ZMAT1: variants seen among roughly 807,000 people sequenced by gnomAD.
The protein encoded by ZMAT1 is zinc finger matrin-type protein 1.
In ZMAT1, 11 loss-of-function variants were observed where a neutral mutation model predicts 18.5. That is an observed-to-expected ratio of 0.59 (90% CI 0.37 to 0.98). ZMAT1 has a LOEUF of 0.98. ZMAT1 is among the 50% of genes least tolerant of loss of function. The pLI is 0.01. For synonymous variants in ZMAT1, 211 were observed against 176.4 expected (o/e 1.20, Z -1.55); for missense variants, 525 against 496.2 (o/e 1.06, Z -0.55).
intron 1 of ZMAT1, 58 bp downstream of exon 1, chrX:101,931,659 C>G (rs976649420): frequency 2.7e-6 from 2 of 749,662 alleles, no homozygotes; most frequent in East Asian, 3.1e-4. Context: ...CTCGGACGGG[C>G]TGAAGAGAGG....
chrX:101,902,352 AG>A (rs1366534673), intron 2 of ZMAT1, among the ~76,000 whole-genome samples: 1 of 111,831 alleles, frequency 8.9e-6, no homozygotes, highest in Admixed American at 9.5e-5. Context: ...TTAGTTATAT[AG>A]GTTATAGATA....
chrX:101,925,046 AAAAT>A (rs1327413901), intron 1 of ZMAT1, among the ~76,000 whole-genome samples: 1 of 112,293 alleles, frequency 8.9e-6, no homozygotes, highest in Non-Finnish European at 1.9e-5. Context: ...AATATTGAAA[AAAAT>A]AAAAGATAAA....
At chrX:101,911,674 G>C in intron 1 of ZMAT1, 1 of 1,207,154 alleles carries the variant, frequency 8.3e-7, no homozygotes. Context: ...AATGCAACCA[G>C]TGTGGCAGAG....
At chrX:101,892,707 T>C (rs778612970) in intron 4 of ZMAT1, 110 of 741,572 alleles carry the variant, frequency 1.5e-4, no homozygotes, top group Non-Finnish European at 1.7e-4. Context: ...ATACATACTT[T>C]AGTTCCATAT....
Position 101,883,477 on chromosome X carries a change from TC to T in ZMAT1, c.*32del, listed in dbSNP as rs775351269. 118 of 1,094,847 alleles carry T rather than the reference TC, an allele frequency of 1.1e-4. No homozygotes were observed. Among genetic ancestry groups the T allele is most frequent in the Non-Finnish European group, 1.4e-4 (115 of 826,918 alleles). 90.2% of individuals were successfully genotyped at this position (1,094,847 alleles called of 1,213,427 possible). On this transcript the variant is annotated 3_prime_UTR_variant, in exon 6 of 6. Coordinates refer to ENST00000651725, the MANE Select transcript of ZMAT1 (RefSeq NM_001394560.1). ...AATCCATATTGACTGTTTTTTTTTT[TC>T]AATTCAACCTTGGGTAAACAAAACT...
intron 1 of ZMAT1, chrX:101,911,859 GC>G (rs1928990903): frequency 1.1e-5 from 13 of 1,204,193 alleles, no homozygotes; most frequent in Non-Finnish European, 1.3e-5. Flanking sequence ...AAATCCTTCA[GC>G]CACAGCTCCT....
chrX:101,885,887 A>G (rs1254671821), intron 5 of ZMAT1, among the ~76,000 whole-genome samples: 1 of 110,674 alleles, frequency 9.0e-6, no homozygotes, highest in Admixed American at 9.6e-5. Flanking sequence ...AGGTCTCACT[A>G]CGTTGCCCAG....
At chrX:101,930,868 T>A (rs1930433168) in intron 1 of ZMAT1, among the ~76,000 whole-genome samples, 1 of 112,481 alleles carries the variant, frequency 8.9e-6, no homozygotes, top group Non-Finnish European at 1.9e-5. Flanking sequence ...TTTGTGTGAA[T>A]ACCGCTTATA....
chrX:101,917,762 A>G (rs1180864484), intron 1 of ZMAT1, among the ~76,000 whole-genome samples: 2 of 112,831 alleles, frequency 1.8e-5, no homozygotes, highest in Non-Finnish European at 3.7e-5. Flanking sequence ...ACTGTTTACA[A>G]TAACTAAAAT....
intron 4 of ZMAT1, chrX:101,887,720 A>G (rs1350649602): frequency 9.0e-6 from 1 of 111,516 alleles, no homozygotes; most frequent in Non-Finnish European, 1.9e-5. Context: ...GAAGAAAATG[A>G]GGCTGCACAC....
intron 1 of ZMAT1, among the ~76,000 whole-genome samples, chrX:101,920,006 C>A (rs1301771588): frequency 1.9e-5 from 2 of 106,621 alleles, no homozygotes; most frequent in East Asian, 5.8e-4. Flanking sequence ...GAGTTTAGAA[C>A]TTGCTATGAA....
At chrX:101,900,077 G>C (rs1928118964) in intron 2 of ZMAT1, among the ~76,000 whole-genome samples, 1 of 111,718 alleles carries the variant, frequency 9.0e-6, no homozygotes, top group Admixed American at 9.5e-5. Context: ...ATTTTTTCTT[G>C]TGTTTGTTGG....
At chrX:101,910,589 A>G (rs1026778381) in intron 1 of ZMAT1, among the ~76,000 whole-genome samples, 1 of 112,541 alleles carries the variant, frequency 8.9e-6, no homozygotes. Context: ...TGAAATAATT[A>G]AAAAGAATCA....
chrX:101,928,856 AT>A lies in ZMAT1; in HGVS notation c.292+2860del, dbSNP rs201277208. ...CTTAAAAGGAAGAGGTAAATAAGCA[AT>A]TTTTTTTTTACTATGAATATATCAG... is the stretch of plus-strand genomic sequence containing the variant. On this transcript the variant is annotated intron_variant, in intron 1 of 5. Transcript: ENST00000651725. Among the ~76,000 whole-genome samples, 360 of 109,391 alleles carry A rather than the reference AT, an allele frequency of 3.3e-3. 5 individuals are homozygous for A. Among genetic ancestry groups the A allele is most frequent in the South Asian group, 5.4e-3 (14 of 2,607 alleles). 95.0% of individuals were successfully genotyped at this position (109,391 alleles called of 115,157 possible).
At chrX:101,895,267 AT>A (rs1927719169) in intron 4 of ZMAT1, among the ~76,000 whole-genome samples, 1 of 111,365 alleles carries the variant, frequency 9.0e-6, no homozygotes, top group Non-Finnish European at 1.9e-5. Context: ...CTTAGTAAGA[AT>A]GATATAACCA....
chrX:101,894,768 G>A, intron 4 of ZMAT1: 1 of 753,380 alleles, frequency 1.3e-6, no homozygotes, highest in Non-Finnish European at 1.6e-6. Flanking sequence ...AAGGAGGAGA[G>A]AAGAATGAAC....
At position 101,884,856 on chromosome X, in the gene ZMAT1, T is replaced by G. The variant is rs751004141; in HGVS notation, c.777-35A>C. On this transcript the variant is annotated intron_variant, in intron 5 of 5. Transcript: ENST00000651725. ...AGACAGTAGAAAATTGTTATTAGAT[T>G]ATTTTATTCTAAATATTTTATTTGT... 8 of 796,315 alleles carry G rather than the reference T, an allele frequency of 1.0e-5. No individual in the cohort carries two copies. In the Middle Eastern group the frequency reaches 9.8e-4, roughly 98 times the overall value. 65.6% of individuals were successfully genotyped at this position (796,315 alleles called of 1,213,427 possible).
rs1929282788 is a variant in ZMAT1, at chrX:101,915,769, T to C, written c.293-11439A>G. On this transcript the variant is annotated intron_variant, in intron 1 of 5. Coordinates refer to ENST00000651725, the MANE Select transcript of ZMAT1 (RefSeq NM_001394560.1). Reference sequence around the variant, plus strand: ...AGATGCTGGCGAGGCTGTGGAGAAATAGGAACACTATTACACTATTGGTGT... The same window carrying C: ...AGATGCTGGCGAGGCTGTGGAGAAACAGGAACACTATTACACTATTGGTGT... 3.6e-5 allele frequency: 4 copies of C among 111,598 alleles called. No homozygotes were observed. The Admixed American group carries it at 3.8e-4, about 11-fold the overall frequency. 9.2% of individuals were successfully genotyped at this position (111,598 alleles called of 1,213,427 possible). A position where few individuals can be genotyped will look rare whatever the true frequency, so the allele number is the denominator to read the frequency against.
At chrX:101,887,824 T>C (rs760162992) in intron 4 of ZMAT1, 6 of 111,593 alleles carry the variant, frequency 5.4e-5, no homozygotes, top group Non-Finnish European at 1.1e-4. Flanking sequence ...TGCTCTAATT[T>C]CATGCATACT....
Sources: gnomAD v4.1 joint callset for allele counts (sites outside exome capture counted in the v4.1 genomes callset) on GRCh38, gnomAD v4.1.1 for gene constraint, MANE v1.5 for transcripts, NCBI Gene and HGNC (gene_info 2026-07-23, HGNC 2026-07-21) for gene names.